NCKAP5: variants seen among roughly 807,000 people sequenced by gnomAD.
The protein encoded by NCKAP5 is NCK associated protein 5.
NCKAP5 carries 92 observed loss-of-function variants against 167.0 expected under a neutral mutation model. The observed-to-expected ratio is 0.55, with a 90% CI of 0.47 to 0.66. NCKAP5 has a LOEUF of 0.66. Ranked by LOEUF, NCKAP5 falls within the 30% of genes least tolerant of loss-of-function variation. The pLI, the probability that NCKAP5 is intolerant of heterozygous loss-of-function variation, is 0.00. For missense variants in NCKAP5, 2,378 were observed against 2,315.0 expected (o/e 1.03, Z -0.56); for synonymous variants, 891 against 877.4 (o/e 1.02, Z -0.27).
intron 16 of NCKAP5, among the ~76,000 whole-genome samples, chr2:132,763,884 G>A (rs914335030): frequency 3.3e-5 from 5 of 152,122 alleles, no homozygotes; most frequent in South Asian, 2.1e-4. Context: ...TGTATGCCCC[G>A]AAGCTGATAC....
chr2:132,982,522 C>T (rs1203148815), intron 7 of NCKAP5, among the ~76,000 whole-genome samples: 2 of 152,150 alleles, frequency 1.3e-5, no homozygotes, highest in Admixed American at 6.5e-5. Flanking sequence ...ATAATTTCAG[C>T]TTTTATTTTA....
chr2:132,778,804 AT>A (rs1156954076), intron 15 of NCKAP5, among the ~76,000 whole-genome samples: 4 of 152,210 alleles, frequency 2.6e-5, no homozygotes, highest in Non-Finnish European at 5.9e-5. Flanking sequence ...CTCATTTTGC[AT>A]CTAATCTCCT....
At chr2:132,872,864 T>C (rs12614782) in intron 9 of NCKAP5, among the ~76,000 whole-genome samples, 5,400 of 152,284 alleles carry the variant, frequency 0.035, 131 homozygotes, top group East Asian at 0.099. Flanking sequence ...GTGCCTATGT[T>C]AACCTCATAC....
At chr2:132,681,114 G>A (rs1167283019) in intron 19 of NCKAP5, among the ~76,000 whole-genome samples, 2 of 151,758 alleles carry the variant, frequency 1.3e-5, no homozygotes, top group Admixed American at 6.6e-5. Context: ...CATGTTTCTC[G>A]GTGTTGTTAG....
the NCKAP5 span, among the ~76,000 whole-genome samples, chr2:133,610,559 G>A: frequency 6.6e-6 from 1 of 152,066 alleles, no homozygotes; most frequent in African/African-American, 2.4e-5. Context: ...AAACCTGGGG[G>A]GCAAGAGAGT....
At position 133,253,055 on chromosome 2, in the gene NCKAP5, C is replaced by A. The variant is rs374873525; in HGVS notation, c.144-39276G>T. Among the ~76,000 whole-genome samples, 5 of 152,262 alleles carry A rather than the reference C, an allele frequency of 3.3e-5. No individual in the cohort carries two copies. In the East Asian group the frequency reaches 5.8e-4, roughly 18 times the overall value. ...AATCCTGTGTTTCAGGGTAAAGATG[C>A]CAACCTCACCAAGACTGCCTCTTGC... On this transcript the variant is annotated intron_variant, in intron 4 of 19. Transcript: ENST00000409261.
chr2:133,615,482 A>G, the NCKAP5 span, among the ~76,000 whole-genome samples: 2 of 152,218 alleles, frequency 1.3e-5, no homozygotes, highest in Non-Finnish European at 2.9e-5. Flanking sequence ...AAAACAAAAA[A>G]AAAGCAGGGG....
In NCKAP5 at chr2:133,543,361, C is replaced by T. The variant is rs117971474; in HGVS notation, c.-62+15689G>A. On this transcript the variant is annotated intron_variant, in intron 2 of 19. Transcript: ENST00000409261. ...GCAGAACTGTGACCCAATTAAACTT[C>T]TTCTCTTTATAAATTACCCAGCCTC... Among the ~76,000 whole-genome samples the T allele has an allele frequency of 5.7e-3, 871 of 152,278 alleles. 20 individuals carry two copies. Among genetic ancestry groups the T allele is most frequent in the Admixed American group, 0.042 (635 of 15,294 alleles).
chr2:132,993,382 C>A (rs2149306874), intron 7 of NCKAP5, among the ~76,000 whole-genome samples: 1 of 152,284 alleles, frequency 6.6e-6, no homozygotes, highest in South Asian at 2.1e-4. Context: ...CTGGACCATA[C>A]TCAGATTAGA....
At chr2:132,809,335 C>A (rs1017990059) in intron 11 of NCKAP5, among the ~76,000 whole-genome samples, 1 of 152,098 alleles carries the variant, frequency 6.6e-6, no homozygotes, top group African/African-American at 2.4e-5. Context: ...GACTTTCTGT[C>A]TTGATGACCT....
chr2:133,027,766 T>C (rs143713147), intron 6 of NCKAP5, among the ~76,000 whole-genome samples: 35 of 152,360 alleles, frequency 2.3e-4, no homozygotes, highest in African/African-American at 8.4e-4. Flanking sequence ...TTTATAAAAT[T>C]ATAATTCATT....
chr2:132,735,097 T>A (rs905796843), intron 16 of NCKAP5, among the ~76,000 whole-genome samples: 4 of 152,246 alleles, frequency 2.6e-5, no homozygotes, highest in African/African-American at 4.8e-5. Flanking sequence ...CAACCATATC[T>A]ATATAGTTCT....
intron 5 of NCKAP5, among the ~76,000 whole-genome samples, chr2:133,212,652 G>A (rs931408078): frequency 6.6e-6 from 1 of 152,174 alleles, no homozygotes; most frequent in African/African-American, 2.4e-5. Context: ...ACAGGCGTGA[G>A]CCACCACACC....
intron 5 of NCKAP5, among the ~76,000 whole-genome samples, chr2:133,162,679 G>GT (rs200357970): frequency 3.5e-3 from 529 of 149,690 alleles, no homozygotes; most frequent in Non-Finnish European, 4.1e-3. Context: ...ATGCAACATT[G>GT]TTTTTTTTTG....
intron 6 of NCKAP5, among the ~76,000 whole-genome samples, chr2:133,125,643 C>A (rs2082379861): frequency 6.6e-6 from 1 of 152,198 alleles, no homozygotes; most frequent in African/African-American, 2.4e-5. Flanking sequence ...CCTAAGATAT[C>A]ACCACCTGCC....
At chr2:133,442,357 C>G (rs575521862) in intron 3 of NCKAP5, among the ~76,000 whole-genome samples, 1 of 152,306 alleles carries the variant, frequency 6.6e-6, no homozygotes, top group East Asian at 1.9e-4. Context: ...CCTCCACCAT[C>G]AAAACCTTCC....
intron 8 of NCKAP5, among the ~76,000 whole-genome samples, chr2:132,920,805 A>G (rs181623703): frequency 0.03 from 3,347 of 110,736 alleles, 563 homozygotes; most frequent in East Asian, 0.19. Context: ...ATATATATAT[A>G]TATATATATA....
intron 5 of NCKAP5, among the ~76,000 whole-genome samples, chr2:133,197,215 C>T (rs1206428549): frequency 6.6e-6 from 1 of 152,182 alleles, no homozygotes; most frequent in Non-Finnish European, 1.5e-5. Context: ...CTATGCTTGC[C>T]TCTGAGCTAC....
intron 3 of NCKAP5, among the ~76,000 whole-genome samples, chr2:133,517,247 C>A (rs1684078480): frequency 6.6e-6 from 1 of 152,210 alleles, no homozygotes; most frequent in African/African-American, 2.4e-5. Context: ...CAGATTATGA[C>A]ATTTGCCTAT....
Sources: gnomAD v4.1 joint callset for allele counts (sites outside exome capture counted in the v4.1 genomes callset) on GRCh38, gnomAD v4.1.1 for gene constraint, MANE v1.5 for transcripts, NCBI Gene and HGNC (gene_info 2026-07-23, HGNC 2026-07-21) for gene names.